Variants in PDE3A observed in about 807,000 individuals in gnomAD.
PDE3A encodes phosphodiesterase 3A.
A neutral mutation model predicts 98.3 loss-of-function variants in PDE3A; 43 were observed. That is an observed-to-expected ratio of 0.44 (90% CI 0.34 to 0.56). The LOEUF (loss-of-function observed/expected upper bound fraction) is 0.56. Ranked by LOEUF, PDE3A falls within the 20% of genes least tolerant of loss-of-function variation. The pLI, the probability that PDE3A is intolerant of heterozygous loss-of-function variation, is 0.01. For synonymous variants in PDE3A, 663 were observed against 567.9 expected (o/e 1.17, Z -2.38); for missense variants, 1,427 against 1,440.7 (o/e 0.99, Z 0.15).
intron 1 of PDE3A, among the ~76,000 whole-genome samples, chr12:20,437,859 C>T (rs1944804829): frequency 6.6e-6 from 1 of 152,056 alleles, no homozygotes; most frequent in Non-Finnish European, 1.5e-5. Context: ...GTAGACATGC[C>T]TTTGATTGCA....
chr12:20,659,414 T>C (rs142504767), intron 15 of PDE3A, among the ~76,000 whole-genome samples: 153 of 152,286 alleles, frequency 1.0e-3, no homozygotes, highest in African/African-American at 3.6e-3. Context: ...AGTTTCTTTG[T>C]CACCCCCATA....
At chr12:20,523,963 T>C (rs1006919059) in intron 1 of PDE3A, among the ~76,000 whole-genome samples, 5 of 152,188 alleles carry the variant, frequency 3.3e-5, no homozygotes, top group Non-Finnish European at 7.3e-5. Context: ...TGATAAAAGG[T>C]ATTTTCATAT....
intron 1 of PDE3A, among the ~76,000 whole-genome samples, chr12:20,525,471 G>C (rs915102789): frequency 6.8e-6 from 1 of 147,860 alleles, no homozygotes; most frequent in African/African-American, 2.5e-5. Context: ...TTTGGTTGGG[G>C]GGGGGGGCTT....
chr12:20,651,492 T>A (rs1455895480), intron 14 of PDE3A, among the ~76,000 whole-genome samples: 1 of 152,234 alleles, frequency 6.6e-6, no homozygotes, highest in Non-Finnish European at 1.5e-5. Context: ...AGATAAATTA[T>A]ATAACATACT....
At position 20,380,652 on chromosome 12, in the gene PDE3A, G is replaced by C. The variant is rs113615631; in HGVS notation, c.960+10408G>C. On this transcript the variant is annotated intron_variant, in intron 1 of 15. Coordinates refer to ENST00000359062, the MANE Select transcript of PDE3A (RefSeq NM_000921.5). ...CAATATTTAGGAAAAAAGTGATTTC[G>C]AACCTTATGGTGTCAAGTTTCTTTT... 4.2e-3 allele frequency among the ~76,000 whole-genome samples: 642 copies of C among 151,760 alleles called. 3 individuals are homozygous for C. The highest frequency in any genetic ancestry group is 0.015 in the African/African-American group (610 of 41,496).
At chr12:20,535,148 T>G (rs2121200496) in intron 1 of PDE3A, among the ~76,000 whole-genome samples, 1 of 152,330 alleles carries the variant, frequency 6.6e-6, no homozygotes, top group Non-Finnish European at 1.5e-5. Flanking sequence ...TGATGTCTCC[T>G]CTTGCCTTTA....
chr12:20,671,822 T>A (rs1211669202), intron 15 of PDE3A, among the ~76,000 whole-genome samples: 1 of 146,232 alleles, frequency 6.8e-6, no homozygotes, highest in Non-Finnish European at 1.5e-5. Flanking sequence ...CCACTCCTAT[T>A]CAACATAGTG....
intron 1 of PDE3A, among the ~76,000 whole-genome samples, chr12:20,508,836 G>T (rs1467078451): frequency 1.3e-5 from 2 of 150,140 alleles, no homozygotes; most frequent in African/African-American, 2.4e-5. Context: ...CTGGGTTTCT[G>T]GGTTTTTGAT....
intron 5 of PDE3A, among the ~76,000 whole-genome samples, chr12:20,623,040 A>C (rs1392152448): frequency 6.6e-6 from 1 of 152,132 alleles, no homozygotes; most frequent in East Asian, 1.9e-4. Context: ...AAATAATAGC[A>C]ATGAGAAAAG....
At chr12:20,556,287 T>G (rs1198907563) in intron 1 of PDE3A, among the ~76,000 whole-genome samples, 2 of 152,134 alleles carry the variant, frequency 1.3e-5, no homozygotes, top group African/African-American at 4.8e-5. Flanking sequence ...CTGGTTCTTA[T>G]CATTTGCGGC....
chr12:20,457,069 A>C (rs1027103013), intron 1 of PDE3A, among the ~76,000 whole-genome samples: 1 of 136,838 alleles, frequency 7.3e-6, no homozygotes, highest in Non-Finnish European at 1.7e-5. Flanking sequence ...CCAACAAAAA[A>C]CAAAAACCAC....
At chr12:20,571,452 C>G (rs1414862492) in intron 2 of PDE3A, among the ~76,000 whole-genome samples, 1 of 152,154 alleles carries the variant, frequency 6.6e-6, no homozygotes, top group Non-Finnish European at 1.5e-5. Context: ...GCACAACACT[C>G]ACAACTGCAT....
intron 1 of PDE3A, among the ~76,000 whole-genome samples, chr12:20,540,570 C>G (rs1200225290): frequency 2.0e-5 from 3 of 152,066 alleles, no homozygotes; most frequent in East Asian, 1.9e-4. Flanking sequence ...TTGAGGCTAA[C>G]AGGAAAATCA....
intron 9 of PDE3A, 75 bp from the exon 10 acceptor site, chr12:20,639,771 C>G (rs750929495): frequency 2.9e-6 from 2 of 681,280 alleles, no homozygotes; most frequent in Non-Finnish European, 5.3e-6. Flanking sequence ...CGATATTTAC[C>G]TAGTTTCACC....
In PDE3A at chr12:20,686,883, C is replaced by T. The variant is rs1299896456; in HGVS notation, c.*6612C>T. ...AGCTGTGGATTGGGAGTGAACACTA[C>T]ATAAAATTTGCAGGGTATCCCAGGA... is the stretch of plus-strand genomic sequence containing the variant. On this transcript the variant is annotated 3_prime_UTR_variant, in exon 16 of 16. Coordinates refer to ENST00000359062, the MANE Select transcript of PDE3A (RefSeq NM_000921.5). Among the ~76,000 whole-genome samples the T allele has an allele frequency of 6.6e-6, 1 of 152,084 alleles. No homozygotes were observed. The highest frequency in any genetic ancestry group is 2.4e-5 in the African/African-American group (1 of 41,424).
chr12:20,594,156 G>A (rs956385239), intron 2 of PDE3A, among the ~76,000 whole-genome samples: 1 of 151,710 alleles, frequency 6.6e-6, no homozygotes. Context: ...AAAATGGTTA[G>A]CTCCTTAGAG....
intron 1 of PDE3A, among the ~76,000 whole-genome samples, chr12:20,400,625 A>G (rs993268406): frequency 2.0e-5 from 3 of 151,762 alleles, no homozygotes; most frequent in Admixed American, 6.6e-5. Context: ...TCACTGTGTT[A>G]GCCAAGATGG....
At chr12:20,671,500 A>C (rs992257540) in intron 15 of PDE3A, among the ~76,000 whole-genome samples, 11 of 151,314 alleles carry the variant, frequency 7.3e-5, no homozygotes, top group South Asian at 4.2e-4. Flanking sequence ...GCTTATCCAC[A>C]ATGATCAAGT....
intron 1 of PDE3A, among the ~76,000 whole-genome samples, chr12:20,416,513 C>T (rs1944423950): frequency 6.6e-6 from 1 of 152,072 alleles, no homozygotes. Flanking sequence ...CGCTATGTGC[C>T]AGGAATAGTA....
Sources: allele counts gnomAD v4.1 joint callset (sites outside exome capture counted in the v4.1 genomes callset), GRCh38; gene constraint gnomAD v4.1.1; transcripts MANE v1.5; gene names NCBI Gene and HGNC (gene_info 2026-07-23, HGNC 2026-07-21).